ANKS1A: variants seen among roughly 807,000 people sequenced by gnomAD.
The protein encoded by ANKS1A is ankyrin repeat and SAM domain-containing protein 1A.
In ANKS1A, 55 loss-of-function variants were observed where a neutral mutation model predicts 120.3. The observed-to-expected ratio is 0.46, with a 90% CI of 0.37 to 0.57. The LOEUF (loss-of-function observed/expected upper bound fraction) is 0.57. ANKS1A is among the 20% of genes least tolerant of loss of function. ANKS1A has a pLI of 0.00. For missense variants in ANKS1A, 1,123 were observed against 1,480.3 expected, an observed-to-expected ratio of 0.76 and a Z score of 3.96; for synonymous variants, 590 against 604.7, an observed-to-expected ratio of 0.98 and a Z score of 0.36.
At chr6:35,025,385 A>C (rs1561922187) in intron 11 of ANKS1A, among the ~76,000 whole-genome samples, 1 of 152,002 alleles carries the variant, frequency 6.6e-6, no homozygotes, top group Non-Finnish European at 1.5e-5. Context: ...AGCGGGAGTT[A>C]GTCCTGGCTC....
In ANKS1A at chr6:34,930,879, C is replaced by CT. The variant is rs1224588141; in HGVS notation, c.198-36345dup. 2.6e-3 allele frequency among the ~76,000 whole-genome samples: 363 copies of CT among 139,104 alleles called. 1 individual carries two copies. Among genetic ancestry groups the CT allele is most frequent in the Admixed American group, 4.6e-3 (64 of 13,778 alleles). The allele number at this position is 139,104 out of a possible 152,430, so 91.3% of individuals were successfully genotyped here. On this transcript the variant is annotated intron_variant, in intron 1 of 23. Transcript: ENST00000360359. ...GTTTTATGCTTATCTCACATAAAGT[C>CT]TTTTTTTTTTTTTTTGAGAAGGAGT... is the stretch of plus-strand genomic sequence containing the variant.
chr6:35,051,247 G>C (rs1207914186), intron 11 of ANKS1A, among the ~76,000 whole-genome samples: 1 of 152,100 alleles, frequency 6.6e-6, no homozygotes, highest in African/African-American at 2.4e-5. Context: ...GCCTATGTCA[G>C]TTGACTAGTG....
intron 1 of ANKS1A, among the ~76,000 whole-genome samples, chr6:34,903,631 G>A (rs1469809784): frequency 6.6e-6 from 1 of 152,032 alleles, no homozygotes; most frequent in African/African-American, 2.4e-5. Context: ...CCGAGTAGCT[G>A]GGACTACAGG....
At chr6:34,998,809 G>A (rs1390053840) in intron 10 of ANKS1A, among the ~76,000 whole-genome samples, 1 of 152,196 alleles carries the variant, frequency 6.6e-6, no homozygotes. Flanking sequence ...TGTCTGAGGG[G>A]TTTTGTCTGC....
intron 2 of ANKS1A, 73 bp from the exon 3 acceptor site, chr6:34,969,937 T>TA: frequency 6.5e-7 from 1 of 1,541,310 alleles, no homozygotes; most frequent in Non-Finnish European, 8.8e-7. Flanking sequence ...CTTTGTGCCA[T>TA]ATAGGTGTAA....
Position 35,060,389 on chromosome 6 carries a change from CAG to C in ANKS1A, c.2184+138_2184+139del. On this transcript the variant is annotated intron_variant, in intron 13 of 23. Transcript: ENST00000360359. This position sits in a 1 kb window ranked among gnomAD's most constrained non-coding sequence, Gnocchi z 4.5. ...CCAGGGAAAGCTCACTGAGGTCACT[CAG>C]ACACCAGGAAGTCAGCCAGGTGGTA... is the stretch of plus-strand genomic sequence containing the variant. The C allele has an allele frequency of 1.4e-6, 1 of 721,712 alleles. No individual in the cohort carries two copies. The highest frequency in any genetic ancestry group is 2.3e-6 in the Non-Finnish European group (1 of 435,606). The allele number at this position is 721,712 out of a possible 1,614,324, so 44.7% of individuals were successfully genotyped here.
At chr6:34,918,831 CT>C (rs1375927871) in intron 1 of ANKS1A, among the ~76,000 whole-genome samples, 2 of 151,934 alleles carry the variant, frequency 1.3e-5, no homozygotes, top group Admixed American at 6.6e-5. Flanking sequence ...ACATTTTGAG[CT>C]TTATATACAC....
intron 11 of ANKS1A, among the ~76,000 whole-genome samples, chr6:35,049,251 A>T (rs1018626362): frequency 6.6e-6 from 1 of 152,172 alleles, no homozygotes; most frequent in African/African-American, 2.4e-5. Context: ...TCCAGAAGGG[A>T]GAGTGTTGGC....
At chr6:35,037,519 A>G (rs1775236174) in intron 11 of ANKS1A, among the ~76,000 whole-genome samples, 1 of 152,228 alleles carries the variant, frequency 6.6e-6, no homozygotes, top group Non-Finnish European at 1.5e-5. Context: ...TTTGTTACCC[A>G]GCAGGTTACC....
chr6:35,039,346 C>T (rs531106921), intron 11 of ANKS1A, among the ~76,000 whole-genome samples: 70 of 151,730 alleles, frequency 4.6e-4, no homozygotes, highest in African/African-American at 1.7e-3. Context: ...TACATGCATG[C>T]GCCACCACAC....
At chr6:34,971,475 T>C (rs901091820) in intron 3 of ANKS1A, among the ~76,000 whole-genome samples, 1 of 152,196 alleles carries the variant, frequency 6.6e-6, no homozygotes, top group African/African-American at 2.4e-5. Context: ...GGGCATTCCT[T>C]ATATGATAAG....
chr6:34,996,399 C>G (rs1437728203), intron 10 of ANKS1A, among the ~76,000 whole-genome samples: 1 of 151,578 alleles, frequency 6.6e-6, no homozygotes, highest in East Asian at 1.9e-4. Flanking sequence ...TTAACAGTGT[C>G]TTTTGAAGAG....
In ANKS1A at chr6:35,060,080, G is replaced by C; in HGVS notation, c.2078-67G>C. 1 of 1,321,586 alleles carries C rather than the reference G, an allele frequency of 7.6e-7. No individual in the cohort carries two copies. The highest frequency in any genetic ancestry group is 2.4e-5 in the East Asian group (1 of 41,836). The allele number at this position is 1,321,586 out of a possible 1,614,324, so 81.9% of individuals were successfully genotyped here. Reference sequence around the variant, plus strand: ...GTGGCAATGCCATCTATCTTCCTCTGAGTGCCGCTGCTACCGCCTTAATGG... The same window carrying C: ...GTGGCAATGCCATCTATCTTCCTCTCAGTGCCGCTGCTACCGCCTTAATGG... On this transcript the variant is annotated intron_variant, in intron 12 of 23. Coordinates refer to ENST00000360359, the MANE Select transcript of ANKS1A (RefSeq NM_015245.3). This position sits in a 1 kb window ranked among gnomAD's most constrained non-coding sequence, Gnocchi z 4.5.
Position 35,090,512 on chromosome 6 carries a change from ATCTT to A in ANKS1A, c.*1905_*1908del. The A allele has an allele frequency of 9.5e-7, 1 of 1,057,466 alleles. No homozygotes were observed. Among genetic ancestry groups the A allele is most frequent in the Non-Finnish European group, 1.1e-6 (1 of 872,720 alleles). 65.5% of individuals were successfully genotyped at this position (1,057,466 alleles called of 1,614,324 possible). On this transcript the variant is annotated 3_prime_UTR_variant, in exon 24 of 24. Coordinates refer to ENST00000360359, the MANE Select transcript of ANKS1A (RefSeq NM_015245.3). ...TTCTTCTGCTTGAAGCTGCTATATC[ATCTT>A]TATTTATTCAGGGTATTTTCATATT...
At chr6:34,988,041 C>T (rs986603838) in intron 8 of ANKS1A, among the ~76,000 whole-genome samples, 2 of 152,224 alleles carry the variant, frequency 1.3e-5, no homozygotes, top group South Asian at 4.1e-4. Flanking sequence ...TCAGGATCAT[C>T]CTGTGTCTTC....
chr6:35,004,147 A>AC (rs35532124), intron 10 of ANKS1A, among the ~76,000 whole-genome samples: 100,582 of 151,744 alleles, frequency 0.66, 35,698 homozygotes, highest in Non-Finnish European at 0.8. Flanking sequence ...TCTCACACGG[A>AC]CCCCCCCTTA....
intron 13 of ANKS1A, among the ~76,000 whole-genome samples, chr6:35,061,171 A>T (rs1206327910): frequency 2.6e-5 from 4 of 152,246 alleles, no homozygotes; most frequent in Non-Finnish European, 5.9e-5. Flanking sequence ...GAAATGAGGT[A>T]GGTCCCTTGC....
Position 34,889,648 on chromosome 6 carries a change from C to T in ANKS1A, c.197+49C>T, listed in dbSNP as rs763330642. The T allele has an allele frequency of 4.8e-6, 6 of 1,260,998 alleles. No homozygotes were observed. The Admixed American group carries it at 1.3e-4, about 28-fold the overall frequency. The allele number at this position is 1,260,998 out of a possible 1,614,324, so 78.1% of individuals were successfully genotyped here. On this transcript the variant is annotated intron_variant, in intron 1 of 23. Transcript: ENST00000360359. This position sits in a 1 kb window ranked among gnomAD's most constrained non-coding sequence, Gnocchi z 5.5. ...CGCTGCCTGCAGACCCTTTCTCCCC[C>T]ACCCGTCTCTTGGGTCCCCAGAGAG...
intron 1 of ANKS1A, among the ~76,000 whole-genome samples, chr6:34,957,460 T>G (rs554796019): frequency 6.6e-6 from 1 of 152,342 alleles, no homozygotes; most frequent in South Asian, 2.1e-4. Flanking sequence ...GAGAGAGTGT[T>G]TCCTTGTGTT....
Sources: allele counts gnomAD v4.1 joint callset (sites outside exome capture counted in the v4.1 genomes callset), GRCh38; gene constraint gnomAD v4.1.1; non-coding constraint Gnocchi (gnomAD v3.1); transcripts MANE v1.5; gene names NCBI Gene and HGNC (gene_info 2026-07-23, HGNC 2026-07-21).